Variants in DDHD1 observed in about 807,000 individuals in gnomAD.
DDHD1 encodes the protein DDHD domain containing 1.
Under a neutral mutation model 96.4 loss-of-function variants are expected in DDHD1, and 49 were observed. The ratio of observed to expected loss-of-function variants is 0.51; its 90% CI spans 0.40 to 0.64. The LOEUF (loss-of-function observed/expected upper bound fraction) is 0.64. Among genes scored for constraint, DDHD1 ranks in the 30% least tolerant of loss-of-function variants. The pLI is 0.00. For missense variants in DDHD1, 1,106 were observed against 1,161.2 expected (o/e 0.95, Z 0.69); for synonymous variants, 442 against 446.5 (o/e 0.99, Z 0.13).
At chr14:53,148,741 G>C (rs998817572) in intron 1 of DDHD1, among the ~76,000 whole-genome samples, 1 of 152,198 alleles carries the variant, frequency 6.6e-6, no homozygotes. Flanking sequence ...TTTCACCTCT[G>C]ATGAGGTACT....
chr14:53,107,578 G>A (rs909625325), intron 1 of DDHD1, among the ~76,000 whole-genome samples: 1 of 152,178 alleles, frequency 6.6e-6, no homozygotes, highest in Non-Finnish European at 1.5e-5. Flanking sequence ...ATCACCTGAG[G>A]TCAGGAGATT....
At chr14:53,097,990 T>G (rs866495303) in intron 2 of DDHD1, among the ~76,000 whole-genome samples, 1 of 151,986 alleles carries the variant, frequency 6.6e-6, no homozygotes, top group Admixed American at 6.5e-5. Context: ...GCTTTATTTA[T>G]TACACATCCT....
chr14:53,125,702 A>ATTT (rs1195927962), intron 1 of DDHD1, among the ~76,000 whole-genome samples: 4 of 139,892 alleles, frequency 2.9e-5, no homozygotes, highest in African/African-American at 5.3e-5. Context: ...TAAAAGATGG[A>ATTT]TTTTTTTTTT....
rs1017685561 is a variant in DDHD1 at position 53,044,156 on chromosome 14, C to G, written c.*2612G>C. 2 of 152,064 alleles carry G rather than the reference C, an allele frequency of 1.3e-5. No homozygotes were observed. Among genetic ancestry groups the G allele is most frequent in the Non-Finnish European group, 2.9e-5 (2 of 68,002 alleles). 9.4% of individuals were successfully genotyped at this position (152,064 alleles called of 1,614,324 possible). ...ATGTTAACATGCACAGACATAGAAA[C>G]AAGGATACTACAAAACCGAAATCAC... On this transcript the variant is annotated 3_prime_UTR_variant, in exon 13 of 13. Coordinates refer to ENST00000673822, the MANE Select transcript of DDHD1 (RefSeq NM_001160148.2).
chr14:53,096,899 G>C (rs537803776), intron 2 of DDHD1, among the ~76,000 whole-genome samples: 1 of 152,110 alleles, frequency 6.6e-6, no homozygotes, highest in South Asian at 2.1e-4. Flanking sequence ...TGTATGCTGT[G>C]ACAACTTGTA....
At chr14:53,081,488 T>C (rs945408511) in intron 4 of DDHD1, among the ~76,000 whole-genome samples, 18 of 152,214 alleles carry the variant, frequency 1.2e-4, no homozygotes, top group African/African-American at 3.1e-4. Flanking sequence ...TTCTCAACCA[T>C]AGACAATTTT....
chr14:53,091,704 T>C (rs1158017056), intron 4 of DDHD1, 81 bp downstream of exon 4: 1 of 1,419,874 alleles, frequency 7.0e-7, no homozygotes, highest in Non-Finnish European at 9.6e-7. Flanking sequence ...GTGGAATTAG[T>C]ATACTGTTAA....
At chr14:53,072,864 A>G (rs901595702) in intron 5 of DDHD1, among the ~76,000 whole-genome samples, 161 bp from the exon 6 acceptor site, 2 of 151,922 alleles carry the variant, frequency 1.3e-5, no homozygotes, top group Non-Finnish European at 2.9e-5. Context: ...CTTCCTATAA[A>G]ATACTTCAAG....
intron 4 of DDHD1, among the ~76,000 whole-genome samples, chr14:53,077,679 T>A (rs976840420): frequency 6.6e-6 from 1 of 151,080 alleles, no homozygotes; most frequent in African/African-American, 2.5e-5. Flanking sequence ...GTTTTTTTTT[T>A]TTAAAAAACA....
At chr14:53,089,147 G>C (rs1310538182) in intron 4 of DDHD1, among the ~76,000 whole-genome samples, 1 of 152,110 alleles carries the variant, frequency 6.6e-6, no homozygotes, top group Non-Finnish European at 1.5e-5. Flanking sequence ...TACAAACCCT[G>C]CTCAATGAAA....
At chr14:53,089,864 T>G in intron 4 of DDHD1, among the ~76,000 whole-genome samples, 1 of 152,102 alleles carries the variant, frequency 6.6e-6, no homozygotes, top group Non-Finnish European at 1.5e-5. Context: ...AAAGCCAAAA[T>G]TGACAAAAGG....
At chr14:53,103,200 G>T (rs1047055436) in intron 2 of DDHD1, 108 of 639,382 alleles carry the variant, frequency 1.7e-4, no homozygotes, top group Middle Eastern at 4.0e-4. Flanking sequence ...GCTGAATAAA[G>T]AAATGTAATG....
Position 53,041,594 on chromosome 14 carries a change from T to G in DDHD1, c.*5174A>C, listed in dbSNP as rs1010017313. 2.0e-5 allele frequency: 3 copies of G among 152,254 alleles called. No homozygotes were observed. Among genetic ancestry groups the G allele is most frequent in the African/African-American group, 7.2e-5 (3 of 41,474 alleles). 9.4% of individuals were successfully genotyped at this position (152,254 alleles called of 1,614,324 possible). The stretch of plus-strand genomic sequence containing the variant: ...TAAACATTAGTTAACACTGTGCAAC[T>G]TGTTTCCTTAAGTTTGCATTTGTCA... On this transcript the variant is annotated 3_prime_UTR_variant, in exon 13 of 13. Coordinates refer to ENST00000673822, the MANE Select transcript of DDHD1 (RefSeq NM_001160148.2).
At chr14:53,052,709 C>G (rs1882708553) in intron 11 of DDHD1, 1 of 151,856 alleles carries the variant, frequency 6.6e-6, no homozygotes, top group Non-Finnish European at 1.5e-5. Flanking sequence ...ATATCTATAT[C>G]TAGAGGTGAA....
At chr14:53,069,041 T>C (rs556870212) in intron 6 of DDHD1, among the ~76,000 whole-genome samples, 1 of 152,332 alleles carries the variant, frequency 6.6e-6, no homozygotes, top group South Asian at 2.1e-4. Flanking sequence ...ATTTTTTCAA[T>C]GATCTATAAA....
Position 53,043,370 on chromosome 14 carries a change from A to G in DDHD1, c.*3398T>C, listed in dbSNP as rs1401307802. 6.6e-6 allele frequency: 1 copy of G among 151,252 alleles called. No individual in the cohort carries two copies. The highest frequency in any genetic ancestry group is 6.6e-5 in the Admixed American group (1 of 15,136). The allele number at this position is 151,252 out of a possible 1,614,324, so 9.4% of individuals were successfully genotyped here. On this transcript the variant is annotated 3_prime_UTR_variant, in exon 13 of 13. Coordinates refer to ENST00000673822, the MANE Select transcript of DDHD1 (RefSeq NM_001160148.2). ...TTCCTAAGGCTTGCTTCACATACAAAAGAGCAGTTATTAGAACATCCAGTG... is the reference window on the plus strand; with the variant it reads ...TTCCTAAGGCTTGCTTCACATACAAGAGAGCAGTTATTAGAACATCCAGTG...
At chr14:53,147,737 C>G (rs1177731695) in intron 1 of DDHD1, among the ~76,000 whole-genome samples, 1 of 152,148 alleles carries the variant, frequency 6.6e-6, no homozygotes, top group African/African-American at 2.4e-5. Context: ...AGGCTGCTTT[C>G]CAGTCCAGGC....
chr14:53,050,529 C>T (rs140631640), intron 12 of DDHD1, among the ~76,000 whole-genome samples: 52 of 151,972 alleles, frequency 3.4e-4, no homozygotes, highest in East Asian at 1.6e-3. Context: ...CTATGTTTTG[C>T]GGTTCGTCAC....
At chr14:53,143,434 AGAAAGG>A (rs1292654756) in intron 1 of DDHD1, among the ~76,000 whole-genome samples, 46 of 152,250 alleles carry the variant, frequency 3.0e-4, no homozygotes, top group Non-Finnish European at 2.9e-5. Context: ...TACTTTCTGC[AGAAAGG>A]GTACACTTGC....
Sources: gnomAD v4.1 joint callset for allele counts (sites outside exome capture counted in the v4.1 genomes callset) on GRCh38, gnomAD v4.1.1 for gene constraint, MANE v1.5 for transcripts, NCBI Gene and HGNC (gene_info 2026-07-23, HGNC 2026-07-21) for gene names.